The following ALDH1L2 variants were observed in gnomAD, a reference collection of about 807,000 sequenced individuals.
The protein encoded by ALDH1L2 is aldehyde dehydrogenase 1 family member L2.
A neutral mutation model predicts 111.0 loss-of-function variants in ALDH1L2; 91 were observed. The ratio of observed to expected loss-of-function variants is 0.82; its 90% CI spans 0.69 to 0.98. The LOEUF is 0.98. Among genes scored for constraint, ALDH1L2 ranks in the 50% least tolerant of loss-of-function variants. ALDH1L2 has a pLI of 0.00. For missense variants in ALDH1L2, 995 were observed against 1,126.8 expected, an observed-to-expected ratio of 0.88 and a Z score of 1.67; for synonymous variants, 374 against 392.6, an observed-to-expected ratio of 0.95 and a Z score of 0.56.
At chr12:105,054,263 T>G (rs540643680) in intron 10 of ALDH1L2, among the ~76,000 whole-genome samples, 1 of 152,288 alleles carries the variant, frequency 6.6e-6, no homozygotes, top group Admixed American at 6.5e-5. Context: ...GCCTAATTCT[T>G]ATTAAAAACA....
rs143530896 is a variant in ALDH1L2 at position 105,068,379 on chromosome 12, C to T, written c.594+340G>A. On this transcript the variant is annotated intron_variant, in intron 4 of 22. Coordinates refer to ENST00000258494, the MANE Select transcript of ALDH1L2 (RefSeq NM_001034173.4). ...ACTTTTAAATTTCCATAACAAATTA[C>T]GTAGCAAAATTTCTTAAGATTCAAT... Among the ~76,000 whole-genome samples, 524 of 151,876 alleles carry T rather than the reference C, an allele frequency of 3.5e-3. 2 individuals carry two copies. Among genetic ancestry groups the T allele is most frequent in the African/African-American group, 0.012 (491 of 41,360 alleles).
At chr12:105,082,351 TAATC>T (rs1174527701) in intron 1 of ALDH1L2, among the ~76,000 whole-genome samples, 1 of 152,262 alleles carries the variant, frequency 6.6e-6, no homozygotes, top group Non-Finnish European at 1.5e-5. Context: ...TGCCTATTTA[TAATC>T]AATCCTTCCT....
intron 21 of ALDH1L2, 96 bp from the exon 22 acceptor site, chr12:105,026,840 A>G (rs541608533): frequency 7.1e-7 from 1 of 1,401,976 alleles, no homozygotes; most frequent in African/African-American, 1.4e-5. Flanking sequence ...GAAACAGGAA[A>G]ACATTACTGC....
intron 15 of ALDH1L2, 23 bp downstream of exon 15, chr12:105,046,687 C>T (rs375521206): frequency 6.2e-7 from 1 of 1,601,460 alleles, no homozygotes; most frequent in Non-Finnish European, 8.6e-7. Context: ...GGCAATTCTG[C>T]ACCTGGCCCT....
chr12:105,041,572 A>G (rs1019069344), intron 15 of ALDH1L2, among the ~76,000 whole-genome samples: 6 of 152,348 alleles, frequency 3.9e-5, no homozygotes, highest in Middle Eastern at 6.8e-3. Flanking sequence ...TCAAATTTTT[A>G]TCCACTAGTT....
chr12:105,074,499 G>C (rs1367586816), intron 1 of ALDH1L2, among the ~76,000 whole-genome samples: 1 of 126,944 alleles, frequency 7.9e-6, no homozygotes, highest in Non-Finnish European at 1.6e-5. Context: ...GAAAAAGAAA[G>C]AAAGAAAGAG....
In ALDH1L2 at chr12:105,070,776, A is replaced by G. The variant is rs1298601486; in HGVS notation, c.222T>C (p.Pro74=). 5.0e-6 allele frequency: 8 copies of G among 1,614,000 alleles called. No individual in the cohort carries two copies. Among genetic ancestry groups the G allele is most frequent in the African/African-American group, 1.3e-5 (1 of 74,932 alleles). ...LALAAEKDGT[P]VFKLPKWRVK... ...CCCTCCATTTAGGAAGCTTGAACAC[A>G]GGGGTCCCATCTTTCTCTGCAGCCA... The change falls in exon 3 of 23, where the codon CCT becomes CCC. Residue 74 remains proline, a synonymous_variant. Transcript: ENST00000258494.
chr12:105,024,306 A>G lies in ALDH1L2; in HGVS notation c.*118T>C, dbSNP rs1874304199. 9.0e-7 allele frequency: 1 copy of G among 1,105,378 alleles called. No homozygotes were observed. The highest frequency in any genetic ancestry group is 1.3e-5 in the South Asian group (1 of 75,726). 68.5% of individuals were successfully genotyped at this position (1,105,378 alleles called of 1,614,324 possible). ...CATGGCCTGGCCCTCTTCATGGTCC[A>G]TCTGTGTATTTTTTGGTTTGTGGCT... On this transcript the variant is annotated 3_prime_UTR_variant, in exon 23 of 23. Transcript: ENST00000258494.
intron 1 of ALDH1L2, among the ~76,000 whole-genome samples, chr12:105,082,892 C>G (rs1298646220): frequency 6.7e-6 from 1 of 150,108 alleles, no homozygotes; most frequent in Admixed American, 6.6e-5. Flanking sequence ...GATAAAACAT[C>G]CCACATTTTT....
intron 18 of ALDH1L2, 63 bp downstream of exon 18, chr12:105,038,040 T>G: frequency 7.1e-7 from 1 of 1,402,420 alleles, no homozygotes; most frequent in Non-Finnish European, 1.0e-6. Context: ...GTGCTAGGAT[T>G]ACAGGCGTGA....
At chr12:105,042,223 CTTCTGCCCTTTTTACATTTGTCA>C (rs1875580461) in intron 15 of ALDH1L2, among the ~76,000 whole-genome samples, 1 of 152,162 alleles carries the variant, frequency 6.6e-6, no homozygotes, top group Non-Finnish European at 1.5e-5. Context: ...CGATTCTATC[CTTCTGCCCTTTTTACATTTGTCA>C]TTCTCTTCTC....
intron 12 of ALDH1L2, chr12:105,050,564 T>G (rs1876192763): frequency 2.7e-6 from 1 of 376,022 alleles, no homozygotes; most frequent in African/African-American, 2.1e-5. Context: ...ACTCATCTTT[T>G]GTGTTCAACT....
rs1264484335 is a variant in ALDH1L2, at chr12:105,063,010, A to G, written c.799T>C (p.Tyr267His). The part of the protein sequence containing the change: ...TEINGQMVTF[Y>H]GSTLLNSSVP... ...GAGCTATTCAGTAATGTCGAGCCAT[A>G]GAAAGTGACCATCTAGTAAAGAGAT... The change falls in exon 7 of 23, where the codon TAT (tyrosine) becomes CAT (histidine). Residue 267 changes from tyrosine to histidine, a missense_variant. By Grantham distance (83) the Tyr-to-His change is moderately conservative. Coordinates refer to ENST00000258494, the MANE Select transcript of ALDH1L2 (RefSeq NM_001034173.4). The G allele has an allele frequency of 6.2e-7, 1 of 1,612,582 alleles. No individual in the cohort carries two copies. The highest frequency in any genetic ancestry group is 8.5e-7 in the Non-Finnish European group (1 of 1,179,640).
intron 13 of ALDH1L2, chr12:105,047,376 G>A (rs953065012): frequency 3.0e-5 from 6 of 196,732 alleles, no homozygotes; most frequent in African/African-American, 1.4e-4. Context: ...CATTGGAAGG[G>A]GAATGCTACT....
intron 18 of ALDH1L2, among the ~76,000 whole-genome samples, chr12:105,037,739 G>A (rs1875241388): frequency 6.6e-6 from 1 of 151,454 alleles, no homozygotes; most frequent in Non-Finnish European, 1.5e-5. Flanking sequence ...GAGGTGAAAT[G>A]TGTTTTAGAA....
chr12:105,079,699 A>G (rs1878243511), intron 1 of ALDH1L2, among the ~76,000 whole-genome samples: 1 of 150,438 alleles, frequency 6.6e-6, no homozygotes, highest in Non-Finnish European at 1.5e-5. Context: ...TTAATTTTTA[A>G]TTATACATAT....
At position 105,035,523 on chromosome 12, in the gene ALDH1L2, G is replaced by A. The variant is rs1326269287; in HGVS notation, c.2146-1125C>T. ...TGTAGAGACAGGGTCTTGCCATGTT[G>A]CCCAGGCTGGTCATGAACCCCAAGG... On this transcript the variant is annotated intron_variant, in intron 18 of 22. Transcript: ENST00000258494. Among the ~76,000 whole-genome samples the A allele has an allele frequency of 2.0e-5, 3 of 151,974 alleles. No homozygotes were observed. The East Asian group carries it at 5.8e-4, about 29-fold the overall frequency.
Position 105,026,762 on chromosome 12 carries a change from C to A in ALDH1L2, c.2517-18G>T. ...CGATGTCCCTGTGTTTTTAGGAAGA[C>A]ATAAAACTTCATTAAATGTAAAGCA... On this transcript the variant is annotated intron_variant, in intron 21 of 22. Coordinates refer to ENST00000258494, the MANE Select transcript of ALDH1L2 (RefSeq NM_001034173.4). The A allele has an allele frequency of 6.2e-7, 1 of 1,610,830 alleles. No individual in the cohort carries two copies. The highest frequency in any genetic ancestry group is 8.5e-7 in the Non-Finnish European group (1 of 1,178,912).
At chr12:105,059,922 C>T (rs1042003242) in intron 9 of ALDH1L2, among the ~76,000 whole-genome samples, 1 of 152,226 alleles carries the variant, frequency 6.6e-6, no homozygotes, top group Admixed American at 6.5e-5. Context: ...CATCAAGGGA[C>T]TGCACAGTCC....
Sources: gnomAD v4.1 joint callset for allele counts (sites outside exome capture counted in the v4.1 genomes callset) on GRCh38, gnomAD v4.1.1 for gene constraint, MANE v1.5 for transcripts, NCBI Gene and HGNC (gene_info 2026-07-23, HGNC 2026-07-21) for gene names.